Variants in GRAMD1C observed in about 807,000 individuals in gnomAD.
GRAMD1C encodes protein Aster-C.
In GRAMD1C, 89 loss-of-function variants were observed where a neutral mutation model predicts 97.8. That is an observed-to-expected ratio of 0.91 (90% CI 0.77 to 1.09). The LOEUF (loss-of-function observed/expected upper bound fraction) is 1.09. GRAMD1C is among the 50% of genes least tolerant of loss of function. The pLI is 0.00. For synonymous variants in GRAMD1C, 256 were observed against 267.0 expected, an observed-to-expected ratio of 0.96 and a Z score of 0.40; for missense variants, 740 against 766.4, an observed-to-expected ratio of 0.97 and a Z score of 0.41.
intron 11 of GRAMD1C, among the ~76,000 whole-genome samples, chr3:113,933,180 T>C (rs7619702): frequency 0.67 from 101,940 of 152,150 alleles, 34,699 homozygotes; most frequent in Non-Finnish European, 0.74. Context: ...CCACTGCGTC[T>C]GGCCTAATTT....
Position 113,945,442 on chromosome 3 carries a change from A to G in GRAMD1C, c.1953A>G (p.Leu651=), listed in dbSNP as rs1553728236. ...TGCTTCAGAAAACGTTTGATCTACT[A>G]AATAAGAATAAGACTGGCATGGCTG... ...LIMLQKTFDL[L]NKNKTGMAVE... The change falls in exon 18 of 18, where the codon CTA becomes CTG. Residue 651 remains leucine, a synonymous_variant. Transcript: ENST00000358160. 1.9e-6 allele frequency: 3 copies of G among 1,598,820 alleles called. No individual in the cohort carries two copies. Among genetic ancestry groups the G allele is most frequent in the Non-Finnish European group, 1.7e-6 (2 of 1,166,654 alleles).
At chr3:113,934,411 C>A (rs1325886595) in intron 12 of GRAMD1C, 21 bp from the exon 13 acceptor site, 2 of 1,061,528 alleles carry the variant, frequency 1.9e-6, no homozygotes. Flanking sequence ...AATAAATATT[C>A]TTTCCTTCTT....
chr3:113,887,656 C>T (rs1176568143), intron 6 of GRAMD1C, among the ~76,000 whole-genome samples: 3 of 142,244 alleles, frequency 2.1e-5, no homozygotes, highest in South Asian at 2.2e-4. Flanking sequence ...TGCAGTGAGC[C>T]GAGATTGCTC....
At chr3:113,877,510 T>G (rs1357607971) in intron 5 of GRAMD1C, among the ~76,000 whole-genome samples, 1 of 152,236 alleles carries the variant, frequency 6.6e-6, no homozygotes, top group Non-Finnish European at 1.5e-5. Flanking sequence ...ATGTCCTTGA[T>G]ACTTTTAAAG....
At chr3:113,859,925 C>G (rs1196394034) in intron 2 of GRAMD1C, among the ~76,000 whole-genome samples, 1 of 152,128 alleles carries the variant, frequency 6.6e-6, no homozygotes, top group Admixed American at 6.6e-5. Context: ...ATTCCAAAAC[C>G]AAAGCTAATT....
intron 2 of GRAMD1C, among the ~76,000 whole-genome samples, chr3:113,847,522 A>G (rs1933665487): frequency 6.6e-6 from 1 of 152,246 alleles, no homozygotes; most frequent in African/African-American, 2.4e-5. Flanking sequence ...TGGTGTTTTA[A>G]AAGTCTGGAA....
intron 15 of GRAMD1C, chr3:113,938,405 A>G (rs563196962): frequency 1.2e-4 from 33 of 285,712 alleles, no homozygotes; most frequent in African/African-American, 6.4e-4. Flanking sequence ...ATTAATTTCT[A>G]TCATCATAGG....
In GRAMD1C at chr3:113,934,374, A is replaced by G. The variant is rs147375206; in HGVS notation, c.1353-58A>G. 1,505 of 793,280 alleles carry G rather than the reference A, an allele frequency of 1.9e-3. 22 individuals carry two copies. The African/African-American group carries it at 0.024, about 13-fold the overall frequency. 49.1% of individuals were successfully genotyped at this position (793,280 alleles called of 1,614,324 possible). On this transcript the variant is annotated intron_variant, in intron 12 of 17. Coordinates refer to ENST00000358160, the MANE Select transcript of GRAMD1C (RefSeq NM_017577.5). ...ATACAATCTTACATTTAACTGTAACATGAATATAACTAAAGTCTGCTCTTT... is the reference window on the plus strand; with the variant it reads ...ATACAATCTTACATTTAACTGTAACGTGAATATAACTAAAGTCTGCTCTTT...
upstream of GRAMD1C, chr3:113,838,762 G>A (rs1487411392): frequency 3.8e-5 from 17 of 442,608 alleles, no homozygotes; most frequent in South Asian, 6.7e-4. Flanking sequence ...GGCCGCCAGA[G>A]GGCGCAAGGA....
intron 2 of GRAMD1C, 127 bp downstream of exon 2, chr3:113,844,776 C>T (rs1933537846): frequency 1.6e-6 from 1 of 633,312 alleles, no homozygotes; most frequent in East Asian, 2.9e-5. Flanking sequence ...CAATTTTAGT[C>T]CAGAGTCCCA....
At chr3:113,923,315 T>G (rs1272297023) in intron 10 of GRAMD1C, among the ~76,000 whole-genome samples, 1 of 152,158 alleles carries the variant, frequency 6.6e-6, no homozygotes, top group Non-Finnish European at 1.5e-5. Flanking sequence ...TGAATAGAAG[T>G]GGTGAGAGCG....
chr3:113,901,126 G>A lies in GRAMD1C; in HGVS notation c.636G>A (p.Ser212=), dbSNP rs555176961. The change falls in exon 7 of 18, where the codon TCG becomes TCA. Residue 212 remains serine (S), a synonymous_variant. Transcript: ENST00000358160. The stretch of plus-strand genomic sequence containing the variant: ...AGGAGATGGAAAACTTGTCACTGTC[G>A]ATTGAGGATGTGCAGCCAAGGTACA... ...NAEEMENLSL[S]IEDVQPRSPG... 32 of 1,584,848 alleles carry A rather than the reference G, an allele frequency of 2.0e-5. No homozygotes were observed. The highest frequency in any genetic ancestry group is 3.3e-4 in the Middle Eastern group (2 of 6,026).
rs982357050 is a variant in GRAMD1C, at chr3:113,933,492, T to C, written c.1210-19T>C. ...TATTAAGCATATACATACAAACATT[T>C]TTTATCTTACTTTGGCAGACACTGT... On this transcript the variant is annotated intron_variant, in intron 11 of 17. Coordinates refer to ENST00000358160, the MANE Select transcript of GRAMD1C (RefSeq NM_017577.5). The C allele has an allele frequency of 6.3e-7, 1 of 1,593,196 alleles. No individual in the cohort carries two copies.
intron 17 of GRAMD1C, 130 bp from the exon 18 acceptor site, chr3:113,945,268 C>A: frequency 1.6e-6 from 1 of 641,868 alleles, no homozygotes; most frequent in Non-Finnish European, 2.8e-6. Flanking sequence ...TTGTATTTAA[C>A]GTTTTATTTG....
At chr3:113,858,298 T>A (rs1934229216) in intron 2 of GRAMD1C, among the ~76,000 whole-genome samples, 1 of 151,930 alleles carries the variant, frequency 6.6e-6, no homozygotes, top group African/African-American at 2.4e-5. Flanking sequence ...AGTGGTGCGA[T>A]CTCAGCTCAC....
At position 113,902,328 on chromosome 3, in the gene GRAMD1C, A is replaced by G. The variant is rs548092012; in HGVS notation, c.656+1182A>G. Among the ~76,000 whole-genome samples, 4 of 152,168 alleles carry G rather than the reference A, an allele frequency of 2.6e-5. No homozygotes were observed. The South Asian group carries it at 6.2e-4, about 24-fold the overall frequency. On this transcript the variant is annotated intron_variant, in intron 7 of 17. Transcript: ENST00000358160. ...TTTATTAGCTTTCTGTAAAGTTAAAAATTTCCATTGTATTGTTCTCCTTGA... is the reference window on the plus strand; with the variant it reads ...TTTATTAGCTTTCTGTAAAGTTAAAGATTTCCATTGTATTGTTCTCCTTGA...
intron 6 of GRAMD1C, among the ~76,000 whole-genome samples, chr3:113,892,364 C>T (rs748017809): frequency 6.6e-6 from 1 of 151,854 alleles, no homozygotes. Flanking sequence ...CCCAGCTACT[C>T]GGGAGGCTGA....
At chr3:113,942,076 G>C (rs1484586154) in intron 17 of GRAMD1C, among the ~76,000 whole-genome samples, 1 of 151,496 alleles carries the variant, frequency 6.6e-6, no homozygotes, top group African/African-American at 2.4e-5. Flanking sequence ...ACCATGCCCA[G>C]CTAATTTTTG....
At chr3:113,938,551 G>A (rs943203109) in intron 15 of GRAMD1C, 3 of 153,574 alleles carry the variant, frequency 2.0e-5, no homozygotes, top group African/African-American at 4.8e-5. Flanking sequence ...GAATCACTTG[G>A]GGTGCTTGCT....
Sources: gnomAD v4.1 joint callset for allele counts (sites outside exome capture counted in the v4.1 genomes callset) on GRCh38, gnomAD v4.1.1 for gene constraint, MANE v1.5 for transcripts, NCBI Gene and HGNC (gene_info 2026-07-23, HGNC 2026-07-21) for gene names.